CNTN4: variants seen among roughly 807,000 people sequenced by gnomAD.
CNTN4 encodes contactin-4.
Under a neutral mutation model 122.5 loss-of-function variants are expected in CNTN4, and 77 were observed. The ratio of observed to expected loss-of-function variants is 0.63; its 90% confidence interval spans 0.52 to 0.76. CNTN4 has a LOEUF of 0.76. Among genes scored for constraint, CNTN4 ranks in the 30% least tolerant of loss-of-function variants. The pLI, the probability that CNTN4 is intolerant of heterozygous loss-of-function variation, is 0.00. For missense variants in CNTN4, 1,256 were observed against 1,259.1 expected (o/e 1.00, Z 0.04); for synonymous variants, 512 against 447.0 (o/e 1.15, Z -1.83).
intron 6 of CNTN4, among the ~76,000 whole-genome samples, chr3:2,802,165 CAT>C (rs1454446800): frequency 2.0e-5 from 3 of 152,162 alleles, no homozygotes; most frequent in African/African-American, 7.2e-5. Context: ...TTACCAGTAA[CAT>C]GTATCCAGTG....
intron 5 of CNTN4, among the ~76,000 whole-genome samples, chr3:2,739,084 C>G (rs775510743): frequency 2.0e-5 from 3 of 152,040 alleles, no homozygotes; most frequent in Non-Finnish European, 4.4e-5. Context: ...TAGCTAAACA[C>G]TTTAACAAGT....
intron 2 of CNTN4, among the ~76,000 whole-genome samples, chr3:2,240,265 T>A (rs2039878795): frequency 6.6e-6 from 1 of 152,308 alleles, no homozygotes. Flanking sequence ...ATTTGAGATA[T>A]GTTTTCTTTT....
At chr3:2,548,794 C>T (rs2149345561) in intron 3 of CNTN4, among the ~76,000 whole-genome samples, 1 of 152,212 alleles carries the variant, frequency 6.6e-6, no homozygotes. Context: ...GATATTGATT[C>T]TTCCTATCCA....
chr3:2,845,711 T>G (rs1212402878), intron 7 of CNTN4, among the ~76,000 whole-genome samples: 1 of 152,122 alleles, frequency 6.6e-6, no homozygotes, highest in Non-Finnish European at 1.5e-5. Context: ...GGAAGTAAAG[T>G]AAAATCAGCA....
At chr3:2,099,871 T>C (rs920601855) in intron 1 of CNTN4, 1 of 152,370 alleles carries the variant, frequency 6.6e-6, no homozygotes, top group South Asian at 2.1e-4. Flanking sequence ...ATTTTCTCTC[T>C]TGTGCTTCGT....
chr3:2,441,876 T>A (rs1282868599), intron 3 of CNTN4, among the ~76,000 whole-genome samples: 5 of 152,198 alleles, frequency 3.3e-5, no homozygotes, highest in Admixed American at 1.3e-4. Flanking sequence ...AATTTTTATA[T>A]AAATAGAAAA....
At chr3:2,318,219 A>T (rs968540033) in intron 2 of CNTN4, among the ~76,000 whole-genome samples, 3 of 87,748 alleles carry the variant, frequency 3.4e-5, no homozygotes, top group Admixed American at 1.1e-4. Context: ...ACTTGTCCCT[A>T]AAAAAAAAAA....
At chr3:2,302,845 G>A (rs1027983455) in intron 2 of CNTN4, among the ~76,000 whole-genome samples, 2 of 147,554 alleles carry the variant, frequency 1.4e-5, no homozygotes, top group Admixed American at 1.4e-4. Context: ...ACCTAGCAAT[G>A]CCAAGCACAC....
intron 2 of CNTN4, among the ~76,000 whole-genome samples, chr3:2,225,130 G>T (rs1363875956): frequency 6.7e-6 from 1 of 148,210 alleles, no homozygotes; most frequent in African/African-American, 2.5e-5. Flanking sequence ...CAGCCTGGGC[G>T]ACAGGGCGAG....
intron 3 of CNTN4, among the ~76,000 whole-genome samples, chr3:2,372,025 T>A (rs1478236093): frequency 6.6e-6 from 1 of 152,198 alleles, no homozygotes; most frequent in Admixed American, 6.5e-5. Flanking sequence ...TTCATCTCAT[T>A]TAAATAAACA....
In CNTN4 at chr3:2,749,760, C is replaced by T. The variant is rs187517860; in HGVS notation, c.358+4063C>T. On this transcript the variant is annotated intron_variant, in intron 6 of 24. Coordinates refer to ENST00000418658, the MANE Select transcript of CNTN4 (RefSeq NM_175607.3). ...GGAGTTTATCTTTTTGATCATTGAT[C>T]CATAGTTTCTAGATGTTTTTCCCTA... 1.2e-4 allele frequency among the ~76,000 whole-genome samples: 18 copies of T among 152,174 alleles called. No individual in the cohort carries two copies. In the East Asian group the frequency reaches 3.5e-3, roughly 29 times the overall value.
chr3:2,431,069 T>C (rs1452304249), intron 3 of CNTN4, among the ~76,000 whole-genome samples: 1 of 152,210 alleles, frequency 6.6e-6, no homozygotes, highest in Non-Finnish European at 1.5e-5. Context: ...GACTCTATCA[T>C]TTAAAAACTT....
At position 2,745,690 on chromosome 3, in the gene CNTN4, G is replaced by C; in HGVS notation, c.351G>C (p.Gln117His). 6.2e-7 allele frequency: 1 copy of C among 1,613,896 alleles called. No individual in the cohort carries two copies. Among genetic ancestry groups the C allele is most frequent in the Non-Finnish European group, 8.5e-7 (1 of 1,179,796 alleles). The change falls in exon 6 of 25, where the codon CAG becomes CAC. Residue 117 changes from glutamine (Q) to histidine (H), a missense_variant. Coordinates refer to ENST00000418658, the MANE Select transcript of CNTN4 (RefSeq NM_175607.3). ...GTIVSREAKL[Q>H]FAYLDNFKTR... ...TTGTTAGCAGAGAAGCAAAGCTTCA[G>C]TTTGCTTGTAAGTAGCAATTATACA...
intron 6 of CNTN4, among the ~76,000 whole-genome samples, chr3:2,815,426 A>T (rs1223510708): frequency 6.6e-6 from 1 of 152,216 alleles, no homozygotes; most frequent in African/African-American, 2.4e-5. Context: ...AAAAAAGTGG[A>T]CTAAGGACAT....
At chr3:3,005,184 G>A (rs1022237016) in intron 14 of CNTN4, among the ~76,000 whole-genome samples, 15 of 152,164 alleles carry the variant, frequency 9.9e-5, no homozygotes, top group African/African-American at 2.7e-4. Context: ...GATTCACACC[G>A]AGGCTAATCT....
intron 4 of CNTN4, among the ~76,000 whole-genome samples, chr3:2,662,078 G>A (rs1393004353): frequency 6.6e-6 from 1 of 152,102 alleles, no homozygotes; most frequent in Non-Finnish European, 1.5e-5. Context: ...GGGTTATAGA[G>A]ATCAAAGACC....
In CNTN4 at chr3:2,365,404, T is replaced by A. The variant is rs183793335; in HGVS notation, c.-89+26171T>A. 2.0e-5 allele frequency among the ~76,000 whole-genome samples: 3 copies of A among 152,314 alleles called. No individual in the cohort carries two copies. The East Asian group carries it at 5.8e-4, about 29-fold the overall frequency. On this transcript the variant is annotated intron_variant, in intron 3 of 24. Coordinates refer to ENST00000418658, the MANE Select transcript of CNTN4 (RefSeq NM_175607.3). ...TCAACTTGACTTTCTAATTTCTGAA[T>A]GAACATGTTTCCCATTACTTTCCAG... is the stretch of plus-strand genomic sequence containing the variant.
At chr3:2,985,802 A>G (rs1170410635) in intron 13 of CNTN4, among the ~76,000 whole-genome samples, 2 of 152,246 alleles carry the variant, frequency 1.3e-5, no homozygotes, top group African/African-American at 4.8e-5. Context: ...TAACAGTCAA[A>G]ATACAAACAG....
At chr3:2,210,406 C>T (rs1472150048) in intron 2 of CNTN4, among the ~76,000 whole-genome samples, 2 of 152,142 alleles carry the variant, frequency 1.3e-5, no homozygotes, top group African/African-American at 4.8e-5. Flanking sequence ...GTCCAAGGTT[C>T]CGGCATACCA....
Sources: allele counts gnomAD v4.1 joint callset (sites outside exome capture counted in the v4.1 genomes callset), GRCh38; gene constraint gnomAD v4.1.1; transcripts MANE v1.5; gene names NCBI Gene and HGNC (gene_info 2026-07-23, HGNC 2026-07-21).